SCN2A: variants seen among roughly 807,000 people sequenced by gnomAD.
The protein encoded by SCN2A is sodium voltage-gated channel alpha subunit 2.
SCN2A carries 20 observed loss-of-function variants against 188.7 expected under a neutral mutation model. The observed-to-expected ratio is 0.11, with a 90% CI of 0.07 to 0.15. The LOEUF (loss-of-function observed/expected upper bound fraction) is 0.15. Among genes scored for constraint, SCN2A ranks in the 10% least tolerant of loss-of-function variants. The pLI is 1.00. For missense variants in SCN2A, 1,278 were observed against 2,445.0 expected (o/e 0.52, Z 10.07); for synonymous variants, 804 against 833.1 (o/e 0.97, Z 0.60).
intron 17 of SCN2A, among the ~76,000 whole-genome samples, chr2:165,361,974 AT>A (rs1424878858): frequency 2.0e-5 from 3 of 152,064 alleles, no homozygotes; most frequent in African/African-American, 7.2e-5. Flanking sequence ...AAGAGAAAAT[AT>A]TGTGTGTATT....
intron 1 of SCN2A, among the ~76,000 whole-genome samples, chr2:165,264,357 T>G (rs891455951): frequency 6.6e-5 from 10 of 152,116 alleles, no homozygotes; most frequent in African/African-American, 1.9e-4. Flanking sequence ...AATCACATGA[T>G]CATCTAAATA....
At chr2:165,340,223 T>A (rs1423048118) in intron 14 of SCN2A, among the ~76,000 whole-genome samples, 4 of 152,184 alleles carry the variant, frequency 2.6e-5, no homozygotes, top group Non-Finnish European at 4.4e-5. Flanking sequence ...GACCTTGGGG[T>A]AGGCAAAAAT....
intron 18 of SCN2A, among the ~76,000 whole-genome samples, chr2:165,365,785 A>G (rs542672710): frequency 9.8e-5 from 15 of 152,312 alleles, no homozygotes; most frequent in South Asian, 2.1e-4. Flanking sequence ...TTATTTCTGA[A>G]AAAAGATAGA....
Position 165,367,258 on chromosome 2 carries a change from G to A in SCN2A, c.3562G>A (p.Glu1188Lys), listed in dbSNP as rs1553590154. ...CAAGTGTTGTCAGATAAGCATAGAA[G>A]AAGGCAAAGGGAAACTCTGGTGGAA... Reference protein sequence around the residue: ...KFKCCQISIEEGKGKLWWNLR... With the variant: ...KFKCCQISIEKGKGKLWWNLR... The change falls in exon 19 of 27, where the codon GAA becomes AAA. Residue 1188 changes from glutamate (E) to lysine (K), a missense_variant. Around this residue, in one of 17 missense-constraint regions of SCN2A, gnomAD observed 228 missense variants for 297.3 expected, o/e 0.77. Coordinates refer to ENST00000375437, the MANE Select transcript of SCN2A (RefSeq NM_001040142.2). The A allele has an allele frequency of 1.2e-6, 2 of 1,613,982 alleles. No individual in the cohort carries two copies. The highest frequency in any genetic ancestry group is 4.5e-5 in the East Asian group (2 of 44,872).
At chr2:165,339,901 T>C (rs1699216239) in intron 14 of SCN2A, among the ~76,000 whole-genome samples, 2 of 152,190 alleles carry the variant, frequency 1.3e-5, no homozygotes, top group Non-Finnish European at 2.9e-5. Context: ...TCAAGGCTTG[T>C]TATAAAGCTG....
rs1574663857 is a variant in SCN2A at position 165,354,061 on chromosome 2, T to C, written c.2920-131T>C. On this transcript the variant is annotated intron_variant, in intron 16 of 26. Transcript: ENST00000375437. ...TTTCATTCACTTTTTTTCAGAATAG[T>C]GTATCATGAATTAGCAGAAATGCAT... is the stretch of plus-strand genomic sequence containing the variant. The C allele has an allele frequency of 4.7e-6, 5 of 1,072,956 alleles. No individual in the cohort carries two copies. In the East Asian group the frequency reaches 7.1e-5, roughly 15 times the overall value. The allele number at this position is 1,072,956 out of a possible 1,614,324, so 66.5% of individuals were successfully genotyped here. A position where few individuals can be genotyped will look rare whatever the true frequency, so the allele number is the denominator to read the frequency against.
intron 25 of SCN2A, among the ~76,000 whole-genome samples, chr2:165,386,151 T>C (rs184515972): frequency 6.6e-6 from 1 of 152,134 alleles, no homozygotes; most frequent in African/African-American, 2.4e-5. Context: ...CTCACATAAA[T>C]GCTATGAGGT....
chr2:165,299,001 T>C (rs987148267), intron 3 of SCN2A, among the ~76,000 whole-genome samples: 2 of 152,144 alleles, frequency 1.3e-5, no homozygotes, highest in East Asian at 3.8e-4. Context: ...AATGATGAGA[T>C]GGAGTTAAGA....
intron 13 of SCN2A, among the ~76,000 whole-genome samples, 175 bp from the exon 14 acceptor site, chr2:165,331,155 A>G (rs961345557): frequency 1.3e-5 from 2 of 152,162 alleles, no homozygotes; most frequent in Non-Finnish European, 2.9e-5. Flanking sequence ...GCCTTTCTGT[A>G]CTGATCCTTT....
chr2:165,265,363 G>A lies in SCN2A; in HGVS notation c.-52+25723G>A, dbSNP rs534486848. ...GGTTGTTTGTTTGTTTTTTTTTCTT[G>A]TAAATTTGTTTAAGTTCCTTATAGA... On this transcript the variant is annotated intron_variant, in intron 1 of 26. Transcript: ENST00000375437. Among the ~76,000 whole-genome samples the A allele has an allele frequency of 3.4e-5, 5 of 147,258 alleles. No homozygotes were observed. In the South Asian group the frequency reaches 1.1e-3, roughly 32 times the overall value.
intron 1 of SCN2A, among the ~76,000 whole-genome samples, chr2:165,248,470 T>C (rs924411652): frequency 3.3e-5 from 5 of 152,172 alleles, no homozygotes; most frequent in African/African-American, 9.6e-5. Flanking sequence ...CCTCACCTGT[T>C]TAAAATCTGA....
At chr2:165,268,602 AG>A (rs1393651546) in intron 1 of SCN2A, 1 of 152,550 alleles carries the variant, frequency 6.6e-6, no homozygotes, top group East Asian at 1.9e-4. Context: ...AAAAGTTGAA[AG>A]CATTCCCCCT....
rs759837838 is a variant in SCN2A at position 165,344,791 on chromosome 2, G to A, written c.2799G>A (p.Leu933=). 1.5e-5 allele frequency: 24 copies of A among 1,614,080 alleles called. No individual in the cohort carries two copies. Among genetic ancestry groups the A allele is most frequent in the Non-Finnish European group, 2.0e-5 (24 of 1,180,050 alleles). Reference sequence around the variant, plus strand: ...TGCATGACTTTTTCCACTCCTTCCTGATCGTGTTCCGCGTGCTGTGTGGAG... The same window carrying A: ...TGCATGACTTTTTCCACTCCTTCCTAATCGTGTTCCGCGTGCTGTGTGGAG... The part of the protein sequence containing the change: ...WHMHDFFHSF[L]IVFRVLCGEW... The change falls in exon 16 of 27, where the codon CTG becomes CTA. Residue 933 remains leucine (L), a synonymous_variant. Coordinates refer to ENST00000375437, the MANE Select transcript of SCN2A (RefSeq NM_001040142.2).
At chr2:165,273,110 T>A (rs971075091) in intron 1 of SCN2A, 5 of 152,154 alleles carry the variant, frequency 3.3e-5, no homozygotes, top group African/African-American at 1.2e-4. Flanking sequence ...AATAAAATGC[T>A]AAATAAACAT....
Position 165,344,915 on chromosome 2 carries a change from T to G in SCN2A, c.2919+4T>G. On this transcript the variant is annotated splice_donor_region_variant and intron_variant, in intron 16 of 26. Coordinates refer to ENST00000375437, the MANE Select transcript of SCN2A (RefSeq NM_001040142.2). ...CATGGTGATTGGAAATCTAGTGGTA[T>G]GTAGCAAAAACATTTTCCTCATTTT... 1 of 1,614,130 alleles carries G rather than the reference T, an allele frequency of 6.2e-7. No individual in the cohort carries two copies. Among genetic ancestry groups the G allele is most frequent in the South Asian group, 1.1e-5 (1 of 91,082 alleles).
At chr2:165,248,900 T>G (rs908787059) in intron 1 of SCN2A, among the ~76,000 whole-genome samples, 1 of 152,160 alleles carries the variant, frequency 6.6e-6, no homozygotes, top group Admixed American at 6.6e-5. Context: ...TTTCACTTTA[T>G]TGGGCTGATT....
chr2:165,389,492 A>C lies in SCN2A; in HGVS notation c.5686A>C (p.Ile1896Leu). 1 of 1,614,000 alleles carries C rather than the reference A, an allele frequency of 6.2e-7. No homozygotes were observed. Among genetic ancestry groups the C allele is most frequent in the Non-Finnish European group, 8.5e-7 (1 of 1,179,970 alleles). The change falls in exon 27 of 27, where the codon ATT (isoleucine) becomes CTT (leucine). Residue 1896 changes from isoleucine (I) to leucine (L), a missense_variant. This residue lies in a region of SCN2A where 109 missense variants were observed against 137.9 expected (regional missense o/e 0.79). Coordinates refer to ENST00000375437, the MANE Select transcript of SCN2A (RefSeq NM_001040142.2). The surrounding 1 kb of genome is among the most constrained non-coding windows in gnomAD (Gnocchi z 4.2). ...SNPSKVSYEP[I>L]TTTLKRKQEE... ...CCCCTCCAAAGTCTCTTATGAGCCC[A>C]TTACGACCACGTTGAAACGCAAACA...
intron 14 of SCN2A, among the ~76,000 whole-genome samples, chr2:165,336,154 A>G (rs962710369): frequency 6.6e-6 from 1 of 152,072 alleles, no homozygotes; most frequent in Admixed American, 6.5e-5. Flanking sequence ...CTTTGAGAAT[A>G]TAAAATGATG....
intron 16 of SCN2A, among the ~76,000 whole-genome samples, chr2:165,349,799 G>T (rs569763976): frequency 3.1e-4 from 47 of 152,190 alleles, no homozygotes; most frequent in Non-Finnish European, 6.0e-4. Context: ...CCACTATTAA[G>T]GAAATGTGCT....
Sources: gnomAD v4.1 joint callset for allele counts (sites outside exome capture counted in the v4.1 genomes callset) on GRCh38, gnomAD v4.1.1 for gene constraint, gnomAD v4.1.1 regional missense constraint, Gnocchi (gnomAD v3.1) non-coding constraint, MANE v1.5 for transcripts, NCBI Gene and HGNC (gene_info 2026-07-23, HGNC 2026-07-21) for gene names.